Variants in RIMS1 observed in about 807,000 individuals in gnomAD.
The protein encoded by RIMS1 is regulating synaptic membrane exocytosis protein 1.
In RIMS1, 83 loss-of-function variants were observed where a neutral mutation model predicts 214.1. The observed-to-expected ratio is 0.39, with a 90% CI of 0.32 to 0.47. The LOEUF (loss-of-function observed/expected upper bound fraction) is 0.47. Ranked by LOEUF, RIMS1 falls within the 20% of genes least tolerant of loss-of-function variation. The pLI is 0.99. For missense variants in RIMS1, 2,050 were observed against 2,161.8 expected (o/e 0.95, Z 1.03); for synonymous variants, 793 against 786.8 (o/e 1.01, Z -0.13).
At chr6:72,103,727 G>A (rs2034148990) in intron 4 of RIMS1, among the ~76,000 whole-genome samples, 1 of 152,034 alleles carries the variant, frequency 6.6e-6, no homozygotes, top group Non-Finnish European at 1.5e-5. Flanking sequence ...CCTTTTGAGG[G>A]ACTGCCAAAC....
chr6:72,285,556 A>T (rs1178649096), intron 24 of RIMS1, among the ~76,000 whole-genome samples: 1 of 151,792 alleles, frequency 6.6e-6, no homozygotes. Flanking sequence ...GGAGAAATTG[A>T]CTATTTAGGG....
chr6:72,119,319 A>C (rs1373783487), intron 4 of RIMS1, among the ~76,000 whole-genome samples: 2 of 151,838 alleles, frequency 1.3e-5, no homozygotes, highest in African/African-American at 4.8e-5. Flanking sequence ...TAGATGACAC[A>C]CAAAAAATGA....
At chr6:72,191,558 T>C (rs2050079317) in intron 6 of RIMS1, among the ~76,000 whole-genome samples, 1 of 152,212 alleles carries the variant, frequency 6.6e-6, no homozygotes, top group African/African-American at 2.4e-5. Flanking sequence ...AACAAGATTA[T>C]GACACAAAAC....
chr6:72,055,999 T>C (rs1022162387), intron 2 of RIMS1, among the ~76,000 whole-genome samples: 16 of 151,954 alleles, frequency 1.1e-4, no homozygotes, highest in African/African-American at 3.9e-4. Context: ...ATAGCAAAGA[T>C]ATGAAATAAA....
chr6:71,983,613 G>A (rs1799075038), intron 2 of RIMS1, among the ~76,000 whole-genome samples: 2 of 152,154 alleles, frequency 1.3e-5, no homozygotes, highest in African/African-American at 4.8e-5. Flanking sequence ...GAAGAGGGAT[G>A]TTGCAGAATA....
chr6:72,330,544 A>G (rs1392599731), intron 28 of RIMS1, among the ~76,000 whole-genome samples: 1 of 151,806 alleles, frequency 6.6e-6, no homozygotes, highest in Admixed American at 6.6e-5. Context: ...GCATGCTGTT[A>G]TGAAATATCA....
intron 21 of RIMS1, 97 bp from the exon 22 acceptor site, chr6:72,265,863 G>A (rs1021128811): frequency 1.3e-6 from 1 of 775,464 alleles, no homozygotes; most frequent in Admixed American, 2.6e-5. Context: ...TTGTGTAAAG[G>A]GGACATTATT....
In RIMS1 at chr6:72,252,781, A is replaced by C. The variant is rs1400724546; in HGVS notation, c.2719A>C (p.Ser907Arg). The C allele has an allele frequency of 6.4e-7, 1 of 1,559,432 alleles. No individual in the cohort carries two copies. Among genetic ancestry groups the C allele is most frequent in the South Asian group, 1.2e-5 (1 of 84,502 alleles). Residue 907 changes from serine to arginine, a missense_variant, in exon 16 of 34, where the codon AGT (serine) becomes CGT (arginine). Ser to Arg is a moderately radical substitution (Grantham distance 110, BLOSUM62 -1). Coordinates refer to ENST00000521978, the MANE Select transcript of RIMS1 (RefSeq NM_014989.7). ...KLQRSQRISD[S>R]DISDYEVDDG... Reference sequence around the variant, plus strand: ...TGCAGGATCTCAGCGAATCAGTGATAGTGACATCTCAGATTATGAGGTTGA... The same window carrying C: ...TGCAGGATCTCAGCGAATCAGTGATCGTGACATCTCAGATTATGAGGTTGA...
chr6:72,373,600 A>G (rs554693593), intron 29 of RIMS1, among the ~76,000 whole-genome samples: 3 of 152,352 alleles, frequency 2.0e-5, no homozygotes, highest in East Asian at 3.9e-4. Flanking sequence ...AAGGATGTCA[A>G]ATTAAATTAG....
chr6:72,250,450 C>A lies in RIMS1; in HGVS notation c.2362C>A (p.Pro788Thr). Residue 788 changes from proline (P) to threonine (T), a missense_variant, in exon 13 of 34, where the codon CCA becomes ACA. By Grantham distance (38) the Pro-to-Thr change is conservative (BLOSUM62 -1). Coordinates refer to ENST00000521978, the MANE Select transcript of RIMS1 (RefSeq NM_014989.7). ...RNPYVKMYFL[P>T]DRSDKSKRRT... ...TCCCTATGTAAAAATGTATTTTCTTCCAGATAGAAGGTAGTGAATAATTTT... is the reference window on the plus strand; with the variant it reads ...TCCCTATGTAAAAATGTATTTTCTTACAGATAGAAGGTAGTGAATAATTTT... 1 of 1,582,170 alleles carries A rather than the reference C, an allele frequency of 6.3e-7. No individual in the cohort carries two copies. The highest frequency in any genetic ancestry group is 8.6e-7 in the Non-Finnish European group (1 of 1,159,984).
chr6:72,006,357 A>G (rs564461025), intron 2 of RIMS1, among the ~76,000 whole-genome samples: 19 of 152,308 alleles, frequency 1.2e-4, no homozygotes, highest in African/African-American at 4.3e-4. Context: ...GGCGGTTCCA[A>G]GATGGCCAAA....
intron 23 of RIMS1, among the ~76,000 whole-genome samples, chr6:72,277,916 G>A (rs984766213): frequency 9.2e-5 from 14 of 152,158 alleles, no homozygotes; most frequent in South Asian, 6.2e-4. Context: ...ATTTTAATAT[G>A]GCCCTGAAGC....
At chr6:72,050,717 C>G (rs1230369674) in intron 2 of RIMS1, among the ~76,000 whole-genome samples, 10 of 152,314 alleles carry the variant, frequency 6.6e-5, no homozygotes, top group Non-Finnish European at 5.9e-5. Flanking sequence ...GCTTCTCTGA[C>G]TCACACTGAT....
chr6:72,160,433 G>T (rs2045204771), intron 4 of RIMS1, among the ~76,000 whole-genome samples: 1 of 139,782 alleles, frequency 7.2e-6, no homozygotes, highest in East Asian at 2.0e-4. Context: ...GAATAGGAGT[G>T]GTGAGAGAGG....
At chr6:72,332,062 T>C (rs1593906246) in intron 28 of RIMS1, among the ~76,000 whole-genome samples, 1 of 151,982 alleles carries the variant, frequency 6.6e-6, no homozygotes, top group Admixed American at 6.6e-5. Flanking sequence ...TCTCTCATTA[T>C]ATATATGACA....
At chr6:72,254,141 G>A (rs1046728958) in intron 16 of RIMS1, among the ~76,000 whole-genome samples, 1 of 152,126 alleles carries the variant, frequency 6.6e-6, no homozygotes, top group African/African-American at 2.4e-5. Flanking sequence ...TGGGATTACA[G>A]GTGTGAGCCA....
At chr6:71,996,478 A>G (rs1209234947) in intron 2 of RIMS1, among the ~76,000 whole-genome samples, 2 of 152,232 alleles carry the variant, frequency 1.3e-5, no homozygotes, top group Admixed American at 1.3e-4. Context: ...TAAAGGAAAG[A>G]TAATTTAATG....
intron 29 of RIMS1, among the ~76,000 whole-genome samples, chr6:72,389,980 G>T (rs2098676371): frequency 6.6e-6 from 1 of 152,172 alleles, no homozygotes; most frequent in Non-Finnish European, 1.5e-5. Context: ...TGAGGTAGCT[G>T]TGTAGTCTTT....
chr6:71,954,725 T>C (rs921143652), intron 1 of RIMS1, among the ~76,000 whole-genome samples: 16 of 151,774 alleles, frequency 1.1e-4, no homozygotes, highest in African/African-American at 3.6e-4. Flanking sequence ...TATTGAGATA[T>C]AACTTACGTA....
Sources: allele counts gnomAD v4.1 joint callset (sites outside exome capture counted in the v4.1 genomes callset), GRCh38; gene constraint gnomAD v4.1.1; transcripts MANE v1.5; gene names NCBI Gene and HGNC (gene_info 2026-07-23, HGNC 2026-07-21).